The following PCDHGB2 variants were observed in gnomAD, a reference collection of about 807,000 sequenced individuals.
PCDHGB2 encodes protocadherin gamma subfamily B, 2.
In PCDHGB2, 55 loss-of-function variants were observed where a neutral mutation model predicts 59.3. The observed-to-expected ratio is 0.93, with a 90% CI of 0.75 to 1.16. PCDHGB2 has a LOEUF of 1.16. Ranked by LOEUF, PCDHGB2 falls within the 50% of genes most tolerant of loss-of-function variation. The pLI, the probability that PCDHGB2 is intolerant of heterozygous loss-of-function variation, is 0.00. For missense variants in PCDHGB2, 1,228 were observed against 1,198.5 expected, an observed-to-expected ratio of 1.02 and a Z score of -0.36; for synonymous variants, 516 against 512.0, an observed-to-expected ratio of 1.01 and a Z score of -0.11.
intron 1 of PCDHGB2, chr5:141,424,529 A>G (rs1308118953): frequency 6.6e-6 from 1 of 152,218 alleles, no homozygotes; most frequent in Non-Finnish European, 1.5e-5. Context: ...AAATCCATAT[A>G]TAGAAATAAC....
chr5:141,365,576 T>G, intron 1 of PCDHGB2: 1 of 1,613,666 alleles, frequency 6.2e-7, no homozygotes, highest in Non-Finnish European at 8.5e-7. Flanking sequence ...AGAAGAGACT[T>G]CAGATTATAA....
chr5:141,410,797 CTCTA>C (rs375585060), intron 1 of PCDHGB2: 18 of 676,000 alleles, frequency 2.7e-5, no homozygotes, highest in Middle Eastern at 9.7e-4. Context: ...TCATAAGTTG[CTCTA>C]TCTTTTTGTA....
intron 1 of PCDHGB2, among the ~76,000 whole-genome samples, chr5:141,447,632 T>G (rs931349669): frequency 9.2e-5 from 14 of 152,160 alleles, no homozygotes; most frequent in Non-Finnish European, 2.1e-4. Flanking sequence ...ACCAACAGTA[T>G]GAATGATGGT....
At chr5:141,398,362 G>T (rs1422597239) in intron 1 of PCDHGB2, 5 of 1,413,346 alleles carry the variant, frequency 3.5e-6, no homozygotes, top group Admixed American at 1.9e-5. Context: ...CACCGTGAGC[G>T]CAGAGAGCGG....
intron 1 of PCDHGB2, chr5:141,441,530 A>T (rs2154559371): frequency 5.8e-6 from 1 of 172,118 alleles, no homozygotes; most frequent in Non-Finnish European, 1.2e-5. Flanking sequence ...GCCAAGAACA[A>T]TCTTCCCAAA....
At position 141,413,553 on chromosome 5, in the gene PCDHGB2, A is replaced by G; in HGVS notation, c.2421+50997A>G. On this transcript the variant is annotated intron_variant, in intron 1 of 3. Coordinates refer to ENST00000522605, the MANE Select transcript of PCDHGB2 (RefSeq NM_018923.3). ...TGAAACTTTTTGGGATAGAAATAGA[A>G]GTAACTGATATCAATGACAATGCTC... The G allele has an allele frequency of 6.2e-7, 1 of 1,613,938 alleles. No individual in the cohort carries two copies. Among genetic ancestry groups the G allele is most frequent in the Non-Finnish European group, 8.5e-7 (1 of 1,179,902 alleles).
At chr5:141,417,787 T>C in intron 1 of PCDHGB2, 1 of 1,477,124 alleles carries the variant, frequency 6.8e-7, no homozygotes, top group Non-Finnish European at 9.0e-7. Flanking sequence ...CTGGGCCGAA[T>C]GCTCTTTTAG....
At chr5:141,364,840 C>G in intron 1 of PCDHGB2, 2 of 1,614,010 alleles carry the variant, frequency 1.2e-6, no homozygotes, top group Non-Finnish European at 1.7e-6. Context: ...TCCGGAGTTA[C>G]CAGCTCAGCT....
At chr5:141,405,188 G>T (rs2094622261) in intron 1 of PCDHGB2, 1 of 1,613,954 alleles carries the variant, frequency 6.2e-7, no homozygotes, top group African/African-American at 1.3e-5. Context: ...TGTAGATGGG[G>T]TTCGAGCTTT....
chr5:141,425,217 T>G (rs565640413), intron 1 of PCDHGB2, among the ~76,000 whole-genome samples: 51 of 152,294 alleles, frequency 3.3e-4, no homozygotes, highest in Middle Eastern at 3.4e-3. Flanking sequence ...GCATTGTACT[T>G]TGACTGGAAT....
intron 1 of PCDHGB2, chr5:141,370,488 C>T (rs758506114): frequency 1.2e-6 from 2 of 1,613,906 alleles, no homozygotes; most frequent in Admixed American, 3.3e-5. Flanking sequence ...TCTCTCCGAA[C>T]CGATCCGCTA....
At chr5:141,395,558 G>T (rs60237573) in intron 1 of PCDHGB2, 12 of 127,934 alleles carry the variant, frequency 9.4e-5, no homozygotes, top group African/African-American at 5.1e-4. Context: ...GTGTGTGTGT[G>T]TGTGTGTGTG....
In PCDHGB2 at chr5:141,486,157, A is replaced by C. The variant is rs1562110580; in HGVS notation, c.2422-8650A>C. On this transcript the variant is annotated intron_variant, in intron 1 of 3. Transcript: ENST00000522605. This position sits in a 1 kb window ranked among gnomAD's most constrained non-coding sequence, Gnocchi z 5.0. ...TGCGGGCTCGCGATGGGGGTTCTCC[A>C]GCCATGGAGCAACATTGCAGCCTTC... 10 of 1,614,208 alleles carry C rather than the reference A, an allele frequency of 6.2e-6. No individual in the cohort carries two copies. The highest frequency in any genetic ancestry group is 8.5e-6 in the Non-Finnish European group (10 of 1,180,028).
chr5:141,365,971 G>A lies in PCDHGB2; in HGVS notation c.2421+3415G>A, dbSNP rs769584831. 6 of 1,614,218 alleles carry A rather than the reference G, an allele frequency of 3.7e-6. No homozygotes were observed. In the South Asian group the frequency reaches 5.5e-5, roughly 15 times the overall value. On this transcript the variant is annotated intron_variant, in intron 1 of 3. Coordinates refer to ENST00000522605, the MANE Select transcript of PCDHGB2 (RefSeq NM_018923.3). ...ACCCTCCACTTAGCAGCAACGTGTCGCTGAGCCTGTTTGTGCTGGACCAGA... is the reference window on the plus strand; with the variant it reads ...ACCCTCCACTTAGCAGCAACGTGTCACTGAGCCTGTTTGTGCTGGACCAGA...
At position 141,431,203 on chromosome 5, in the gene PCDHGB2, T is replaced by C. The variant is rs139061906; in HGVS notation, c.2422-63604T>C. On this transcript the variant is annotated intron_variant, in intron 1 of 3. Coordinates refer to ENST00000522605, the MANE Select transcript of PCDHGB2 (RefSeq NM_018923.3). This position sits in a 1 kb window ranked among gnomAD's most constrained non-coding sequence, Gnocchi z 4.8. ...TAAAAATTAGTGAAAATGCAGCCACTGAGATGCGGTTCCCTCTACCCCACG... is the reference window on the plus strand; with the variant it reads ...TAAAAATTAGTGAAAATGCAGCCACCGAGATGCGGTTCCCTCTACCCCACG... The C allele has an allele frequency of 3.1e-6, 5 of 1,614,116 alleles. No individual in the cohort carries two copies. The highest frequency in any genetic ancestry group is 1.1e-5 in the South Asian group (1 of 91,090).
chr5:141,464,519 A>G (rs974292961), intron 1 of PCDHGB2, among the ~76,000 whole-genome samples: 21 of 152,058 alleles, frequency 1.4e-4, no homozygotes, highest in African/African-American at 4.1e-4. Context: ...AGGTAAAGGC[A>G]TATGTAGTTT....
In PCDHGB2 at chr5:141,405,631, C is replaced by T. The variant is rs150331884; in HGVS notation, c.2421+43075C>T. The T allele has an allele frequency of 4.9e-3, 2,596 of 530,826 alleles. 48 individuals carry two copies. The highest frequency in any genetic ancestry group is 0.045 in the African/African-American group (2,348 of 52,012). The allele number at this position is 530,826 out of a possible 1,614,324, so 32.9% of individuals were successfully genotyped here. ...CTGGGACTACAGGCACGTGCCACCA[C>T]GCCCGGCTAATTTTTTGTGTGTTTT... is the stretch of plus-strand genomic sequence containing the variant. On this transcript the variant is annotated intron_variant, in intron 1 of 3. Transcript: ENST00000522605.
At chr5:141,428,120 C>A in intron 1 of PCDHGB2, 1 of 1,606,526 alleles carries the variant, frequency 6.2e-7, no homozygotes, top group Non-Finnish European at 8.5e-7. Flanking sequence ...CCATCGAGCC[C>A]GGGCTTTTCA....
At chr5:141,419,770 G>C in intron 1 of PCDHGB2, 1 of 1,614,006 alleles carries the variant, frequency 6.2e-7, no homozygotes, top group Non-Finnish European at 8.5e-7. Context: ...ACAAGGACTC[G>C]GTCCGCCAGC....
Sources: gnomAD v4.1 joint callset for allele counts (sites outside exome capture counted in the v4.1 genomes callset) on GRCh38, gnomAD v4.1.1 for gene constraint, Gnocchi (gnomAD v3.1) non-coding constraint, MANE v1.5 for transcripts, NCBI Gene and HGNC (gene_info 2026-07-23, HGNC 2026-07-21) for gene names.